The following TCF7L2 variants were observed in gnomAD, a reference collection of about 807,000 sequenced individuals.
TCF7L2 encodes the protein transcription factor 7-like 2.
A neutral mutation model predicts 77.9 loss-of-function variants in TCF7L2; 23 were observed. That is an observed-to-expected ratio of 0.30 (90% CI 0.21 to 0.42). The LOEUF is 0.42. Ranked by LOEUF, TCF7L2 falls within the 10% of genes least tolerant of loss-of-function variation. The probability of loss-of-function intolerance (pLI) is 1.00; values close to 1 mark genes in which losing one functional copy is unlikely to be tolerated. For missense variants in TCF7L2, 654 were observed against 793.1 expected (o/e 0.82, Z 2.11); for synonymous variants, 413 against 340.2 (o/e 1.21, Z -2.36).
chr10:113,038,763 G>T (rs1166449901), intron 4 of TCF7L2, among the ~76,000 whole-genome samples: 1 of 152,008 alleles, frequency 6.6e-6, no homozygotes, highest in African/African-American at 2.4e-5. Flanking sequence ...GTTCTGTCTT[G>T]ATTTACCTGT....
intron 4 of TCF7L2, among the ~76,000 whole-genome samples, chr10:113,035,215 A>C (rs2050966335): frequency 6.6e-6 from 1 of 152,102 alleles, no homozygotes; most frequent in South Asian, 2.1e-4. Context: ...TTCCCTCACA[A>C]CTTGAGTTAA....
At chr10:112,960,606 G>A (rs956379753) in intron 3 of TCF7L2, among the ~76,000 whole-genome samples, 1 of 152,134 alleles carries the variant, frequency 6.6e-6, no homozygotes, top group African/African-American at 2.4e-5. Context: ...ATGTTTGCCG[G>A]ATGAGGAAAT....
At chr10:113,164,712 C>T (rs1057281155) in intron 13 of TCF7L2, among the ~76,000 whole-genome samples, 2 of 152,104 alleles carry the variant, frequency 1.3e-5, no homozygotes, top group Non-Finnish European at 2.9e-5. Flanking sequence ...CTTCCCCCTC[C>T]CCCACCTTTG....
intron 4 of TCF7L2, among the ~76,000 whole-genome samples, chr10:113,020,217 G>C (rs2048058658): frequency 6.6e-6 from 1 of 152,182 alleles, no homozygotes; most frequent in Non-Finnish European, 1.5e-5. Context: ...TGTCCAGAAC[G>C]TGCCTGACCT....
intron 5 of TCF7L2, among the ~76,000 whole-genome samples, chr10:113,118,917 AT>A (rs2064316769): frequency 6.6e-6 from 1 of 152,106 alleles, no homozygotes; most frequent in South Asian, 2.1e-4. Context: ...TTCTTTGAAA[AT>A]GCAATTGTAA....
At chr10:112,987,177 T>C (rs1475176739) in intron 4 of TCF7L2, among the ~76,000 whole-genome samples, 1 of 152,142 alleles carries the variant, frequency 6.6e-6, no homozygotes, top group Non-Finnish European at 1.5e-5. Flanking sequence ...AAGAGAAACA[T>C]CAAGATAAAG....
intron 4 of TCF7L2, among the ~76,000 whole-genome samples, chr10:113,004,889 G>T (rs1380773439): frequency 6.6e-6 from 1 of 152,028 alleles, no homozygotes; most frequent in Non-Finnish European, 1.5e-5. Flanking sequence ...GGCCAGGCTG[G>T]TCACAAACTC....
intron 4 of TCF7L2, among the ~76,000 whole-genome samples, chr10:112,983,988 G>C (rs2041000128): frequency 6.6e-6 from 1 of 152,202 alleles, no homozygotes; most frequent in Non-Finnish European, 1.5e-5. Flanking sequence ...GATTCTCCCA[G>C]TCGACTTGAA....
chr10:113,040,644 GA>G (rs1395257783), intron 5 of TCF7L2, among the ~76,000 whole-genome samples: 10 of 152,172 alleles, frequency 6.6e-5, no homozygotes, highest in African/African-American at 2.4e-4. Flanking sequence ...AATGAACTTT[GA>G]AAGGCTAAAA....
chr10:113,154,576 G>T (rs573335685), intron 11 of TCF7L2, among the ~76,000 whole-genome samples: 1 of 152,236 alleles, frequency 6.6e-6, no homozygotes, highest in East Asian at 1.9e-4. Flanking sequence ...TCTCTACAAA[G>T]GTACAAGGCA....
intron 4 of TCF7L2, 103 bp downstream of exon 4, chr10:112,964,727 A>G: frequency 1.2e-6 from 1 of 824,442 alleles, no homozygotes; most frequent in Admixed American, 2.3e-5. Context: ...GATGATGATG[A>G]TGATGATGAT....
intron 4 of TCF7L2, among the ~76,000 whole-genome samples, chr10:112,965,539 T>C (rs894510630): frequency 6.6e-6 from 1 of 152,130 alleles, no homozygotes; most frequent in Non-Finnish European, 1.5e-5. Flanking sequence ...TTTTTGTGAG[T>C]TGATGTTGGT....
At chr10:113,120,094 T>TTTATCA (rs1184603230) in intron 5 of TCF7L2, among the ~76,000 whole-genome samples, 4 of 152,250 alleles carry the variant, frequency 2.6e-5, no homozygotes, top group Non-Finnish European at 4.4e-5. Flanking sequence ...CATCGACTGA[T>TTTATCA]GAGACCAGAG....
At chr10:113,095,364 T>C (rs547160573) in intron 5 of TCF7L2, among the ~76,000 whole-genome samples, 1 of 152,328 alleles carries the variant, frequency 6.6e-6, no homozygotes, top group South Asian at 2.1e-4. Flanking sequence ...CTGGGTAGGA[T>C]GGGAGGTGGG....
In TCF7L2 at chr10:113,113,255, A is replaced by C. The variant is rs1017636483; in HGVS notation, c.553-27929A>C. ...CAGGAGCAGCCCAGTAATAGTCCCGATCGCTAATAAGAGCACAAACACCCG... is the reference window on the plus strand; with the variant it reads ...CAGGAGCAGCCCAGTAATAGTCCCGCTCGCTAATAAGAGCACAAACACCCG... On this transcript the variant is annotated intron_variant, in intron 5 of 13. Transcript: ENST00000627217. 2.6e-5 allele frequency among the ~76,000 whole-genome samples: 4 copies of C among 152,212 alleles called. No individual in the cohort carries two copies. In the South Asian group the frequency reaches 8.3e-4, roughly 32 times the overall value.
At chr10:112,961,856 G>A (rs909385080) in intron 3 of TCF7L2, among the ~76,000 whole-genome samples, 7 of 151,718 alleles carry the variant, frequency 4.6e-5, no homozygotes, top group Admixed American at 1.3e-4. Flanking sequence ...GCATTAGAAG[G>A]GAGTATGGGT....
chr10:113,126,681 C>A, intron 5 of TCF7L2: 4 of 985,402 alleles, frequency 4.1e-6, no homozygotes, highest in Non-Finnish European at 3.6e-6. Flanking sequence ...TGGAACTGTG[C>A]GTGAGCATCT....
chr10:113,118,373 G>T (rs184411500), intron 5 of TCF7L2, among the ~76,000 whole-genome samples: 437 of 152,292 alleles, frequency 2.9e-3, no homozygotes, highest in Non-Finnish European at 3.9e-3. Context: ...AGAGAAAGGG[G>T]TATGTGGATA....
At chr10:112,990,823 C>T (rs994376581) in intron 4 of TCF7L2, among the ~76,000 whole-genome samples, 1 of 152,190 alleles carries the variant, frequency 6.6e-6, no homozygotes, top group Non-Finnish European at 1.5e-5. Flanking sequence ...CGTTTCCGTA[C>T]TCATCTCAAT....
Sources: allele counts gnomAD v4.1 joint callset (sites outside exome capture counted in the v4.1 genomes callset), GRCh38; gene constraint gnomAD v4.1.1; transcripts MANE v1.5; gene names NCBI Gene and HGNC (gene_info 2026-07-23, HGNC 2026-07-21).